Variants in ST3GAL4 observed in about 807,000 individuals in gnomAD.
ST3GAL4 encodes the protein ST3 beta-galactoside alpha-2,3-sialyltransferase 4.
ST3GAL4 carries 24 observed loss-of-function variants against 42.6 expected under a neutral mutation model. That is an observed-to-expected ratio of 0.56 (90% CI 0.41 to 0.79). The LOEUF is 0.79. Among genes scored for constraint, ST3GAL4 ranks in the 30% least tolerant of loss-of-function variants. ST3GAL4 has a pLI of 0.00. For synonymous variants in ST3GAL4, 135 were observed against 163.2 expected (o/e 0.83, Z 1.32); for missense variants, 311 against 430.8 (o/e 0.72, Z 2.46).
At position 126,406,517 on chromosome 11, in the gene ST3GAL4, G is replaced by A. The variant is rs773322033; in HGVS notation, c.61G>A (p.Val21Met). The A allele has an allele frequency of 1.2e-6, 2 of 1,614,228 alleles. No homozygotes were observed. Among genetic ancestry groups the A allele is most frequent in the Non-Finnish European group, 8.5e-7 (1 of 1,180,034 alleles). The change falls in exon 3 of 11, where the codon GTG (valine) becomes ATG (methionine). Residue 21 changes from valine (V) to methionine (M), a missense_variant. Coordinates refer to ENST00000444328, the MANE Select transcript of ST3GAL4 (RefSeq NM_001254757.2). The surrounding 1 kb of genome is among the most constrained non-coding windows in gnomAD (Gnocchi z 5.4). The stretch of plus-strand genomic sequence containing the variant: ...GTTGGCTCTGGTCCTGGTCGTCATG[G>A]TGTGGTATTCCATCTCCCGGGAAGA... ...AMLALVLVVM[V>M]WYSISREDRY... is the part of the protein sequence containing the mutation.
chr11:126,393,166 G>A lies in ST3GAL4; in HGVS notation c.-60-12930G>A, dbSNP rs2135489933. 1 of 152,214 alleles carries A rather than the reference G, an allele frequency of 6.6e-6. No individual in the cohort carries two copies. 9.4% of individuals were successfully genotyped at this position (152,214 alleles called of 1,614,324 possible). On this transcript the variant is annotated intron_variant, in intron 1 of 10. Transcript: ENST00000444328. This position sits in a 1 kb window ranked among gnomAD's most constrained non-coding sequence, Gnocchi z 5.9. ...TCTGCAGTCACATGCCTTGCAAGTA[G>A]CAGAGACAGGGTTTAGTCTCGGTAG...
intron 1 of ST3GAL4, among the ~76,000 whole-genome samples, chr11:126,377,846 A>G (rs1377159669): frequency 6.6e-6 from 1 of 152,238 alleles, no homozygotes; most frequent in Non-Finnish European, 1.5e-5. Flanking sequence ...GAAGTCTTCT[A>G]TTGTACAGTA....
In ST3GAL4 at chr11:126,386,289, C is replaced by A. The variant is rs1015044435; in HGVS notation, c.-60-19807C>A. The stretch of plus-strand genomic sequence containing the variant: ...CCTGTTTGCCGTGTGTCTGTGCCCC[C>A]CAAGGATGAATGCCATGAGTCCAGC... On this transcript the variant is annotated intron_variant, in intron 1 of 10. Transcript: ENST00000444328. The surrounding 1 kb of genome is among the most constrained non-coding windows in gnomAD (Gnocchi z 4.7). Among the ~76,000 whole-genome samples, 18 of 152,146 alleles carry A rather than the reference C, an allele frequency of 1.2e-4. No individual in the cohort carries two copies. Among genetic ancestry groups the A allele is most frequent in the African/African-American group, 4.1e-4 (17 of 41,440 alleles).
At chr11:126,404,108 T>C (rs1007690) in intron 1 of ST3GAL4, among the ~76,000 whole-genome samples, 67,513 of 152,082 alleles carry the variant, frequency 0.44, 15,489 homozygotes, top group East Asian at 0.62. Flanking sequence ...TAATCAAGAA[T>C]ATCAGGCTTG....
chr11:126,377,597 G>A (rs1442210284), intron 1 of ST3GAL4, among the ~76,000 whole-genome samples: 1 of 148,804 alleles, frequency 6.7e-6, no homozygotes, highest in Middle Eastern at 3.4e-3. Context: ...TGATTCTCCT[G>A]TCTCAGCCTC....
rs1283369832 is a variant in ST3GAL4, at chr11:126,411,589, A to G, written c.772-1916A>G. On this transcript the variant is annotated intron_variant, in intron 9 of 10. Transcript: ENST00000444328. This position sits in a 1 kb window ranked among gnomAD's most constrained non-coding sequence, Gnocchi z 6.3. ...TCACAAGGCTGGACTCGGTGTGTCA[A>G]CCAGACAGTTCTCATCTGGAAGCTT... Among the ~76,000 whole-genome samples, 1 of 152,192 alleles carries G rather than the reference A, an allele frequency of 6.6e-6. No homozygotes were observed. Among genetic ancestry groups the G allele is most frequent in the Non-Finnish European group, 1.5e-5 (1 of 68,028 alleles).
chr11:126,407,155 A>G lies in ST3GAL4; in HGVS notation c.183-97A>G, dbSNP rs1954274373. ...TGGGTTAGGTGAAGCCAGGGAGGGA[A>G]GAGAAGGCCTTATAATATTAGTCAT... is the stretch of plus-strand genomic sequence containing the variant. On this transcript the variant is annotated intron_variant, in intron 4 of 10. Coordinates refer to ENST00000444328, the MANE Select transcript of ST3GAL4 (RefSeq NM_001254757.2). 11 of 1,485,696 alleles carry G rather than the reference A, an allele frequency of 7.4e-6. No individual in the cohort carries two copies. The South Asian group carries it at 1.2e-4, about 17-fold the overall frequency. 92.0% of individuals were successfully genotyped at this position (1,485,696 alleles called of 1,614,324 possible).
intron 1 of ST3GAL4, among the ~76,000 whole-genome samples, chr11:126,380,187 A>T (rs765329507): frequency 1.3e-5 from 2 of 151,600 alleles, no homozygotes; most frequent in Non-Finnish European, 2.9e-5. Context: ...GCTTAAACCC[A>T]TGAGGTAGAG....
rs1953552804 is a variant in ST3GAL4, at chr11:126,392,370, C to G, written c.-60-13726C>G. On this transcript the variant is annotated intron_variant, in intron 1 of 10. Transcript: ENST00000444328. The surrounding 1 kb of genome is among the most constrained non-coding windows in gnomAD (Gnocchi z 5.8). ...CATGGAGCTGGTAAGTGGTTAAGATCAGTCGGACATGACAACCTCCAGTTC... is the reference window on the plus strand; with the variant it reads ...CATGGAGCTGGTAAGTGGTTAAGATGAGTCGGACATGACAACCTCCAGTTC... 1 of 985,858 alleles carries G rather than the reference C, an allele frequency of 1.0e-6. No homozygotes were observed. The highest frequency in any genetic ancestry group is 4.7e-5 in the South Asian group (1 of 21,282). 61.1% of individuals were successfully genotyped at this position (985,858 alleles called of 1,614,324 possible).
intron 1 of ST3GAL4, among the ~76,000 whole-genome samples, chr11:126,387,737 C>T (rs920284720): frequency 4.6e-5 from 7 of 151,204 alleles, no homozygotes; most frequent in African/African-American, 1.5e-4. Flanking sequence ...AAGTCACTCT[C>T]ATTCCAGACC....
At chr11:126,357,570 G>GCCC (rs942355150) in intron 1 of ST3GAL4, among the ~76,000 whole-genome samples, 1 of 152,100 alleles carries the variant, frequency 6.6e-6, no homozygotes, top group Non-Finnish European at 1.5e-5. Context: ...AGAGTGCCGT[G>GCCC]CCCCCGCCAG....
Position 126,407,586 on chromosome 11 carries a change from T to A in ST3GAL4, c.293T>A (p.Leu98His). The A allele has an allele frequency of 6.2e-7, 1 of 1,614,096 alleles. No homozygotes were observed. The highest frequency in any genetic ancestry group is 8.5e-7 in the Non-Finnish European group (1 of 1,179,996). ...YGTKGSEDLL[L>H]RVLAITSSSI... is the part of the protein sequence containing the mutation. ...GTACTTTTTGTAGAGGATCTGCTCCTCCGGGTGCTAGCCATCACCAGCTCC... is the reference window on the plus strand; with the variant it reads ...GTACTTTTTGTAGAGGATCTGCTCCACCGGGTGCTAGCCATCACCAGCTCC... Residue 98 changes from leucine to histidine, a missense_variant, in exon 6 of 11, where the codon CTC becomes CAC. Leu to His is a moderately conservative substitution (Grantham distance 99). Transcript: ENST00000444328.
rs66619583 is a variant in ST3GAL4 at position 126,400,946 on chromosome 11, C to T, written c.-60-5150C>T. 0.13 allele frequency among the ~76,000 whole-genome samples: 20,069 copies of T among 151,776 alleles called. 1,773 individuals are homozygous for T. Among genetic ancestry groups the T allele is most frequent in the East Asian group, 0.26 (1,351 of 5,114 alleles). On this transcript the variant is annotated intron_variant, in intron 1 of 10. Transcript: ENST00000444328. The surrounding 1 kb of genome is among the most constrained non-coding windows in gnomAD (Gnocchi z 4.6). Reference sequence around the variant, plus strand: ...TTGCAAGCATTTGCTAGAATATGAGCAAATGGAGGTAGAACTGATAATATT... The same window carrying T: ...TTGCAAGCATTTGCTAGAATATGAGTAAATGGAGGTAGAACTGATAATATT...
intron 1 of ST3GAL4, among the ~76,000 whole-genome samples, chr11:126,390,017 CAAAAAA>C (rs57306343): frequency 9.5e-4 from 109 of 114,600 alleles, no homozygotes; most frequent in Middle Eastern, 9.4e-3. Flanking sequence ...GCTAAAAATA[CAAAAAA>C]AAAAAAAAAA....
chr11:126,396,776 C>T lies in ST3GAL4; in HGVS notation c.-60-9320C>T, dbSNP rs920730019. ...GAATTCCAGTGCCAGCTCCACTCCT[C>T]ACGAGCTGTACAACCTGGGCCGGTT... On this transcript the variant is annotated intron_variant, in intron 1 of 10. Coordinates refer to ENST00000444328, the MANE Select transcript of ST3GAL4 (RefSeq NM_001254757.2). This position sits in a 1 kb window ranked among gnomAD's most constrained non-coding sequence, Gnocchi z 5.8. Among the ~76,000 whole-genome samples, 2 of 150,714 alleles carry T rather than the reference C, an allele frequency of 1.3e-5. No individual in the cohort carries two copies. The highest frequency in any genetic ancestry group is 3.0e-5 in the Non-Finnish European group (2 of 67,760).
Position 126,396,195 on chromosome 11 carries a change from C to T in ST3GAL4, c.-60-9901C>T, listed in dbSNP as rs1332692067. The stretch of plus-strand genomic sequence containing the variant: ...AGTCCAGCTTGAGTCCCCTCTAGAA[C>T]GTGGGCAGCGGACACTAAGCCGAGA... On this transcript the variant is annotated intron_variant, in intron 1 of 10. Coordinates refer to ENST00000444328, the MANE Select transcript of ST3GAL4 (RefSeq NM_001254757.2). This position sits in a 1 kb window ranked among gnomAD's most constrained non-coding sequence, Gnocchi z 5.8. Among the ~76,000 whole-genome samples, 1 of 151,924 alleles carries T rather than the reference C, an allele frequency of 6.6e-6. No homozygotes were observed. Among genetic ancestry groups the T allele is most frequent in the Non-Finnish European group, 1.5e-5 (1 of 68,012 alleles).
At chr11:126,357,048 A>G (rs1036510093) in intron 1 of ST3GAL4, among the ~76,000 whole-genome samples, 10 of 152,220 alleles carry the variant, frequency 6.6e-5, no homozygotes, top group African/African-American at 2.4e-4. Flanking sequence ...TATTTCTCCC[A>G]TGCTGTTACT....
intron 1 of ST3GAL4, among the ~76,000 whole-genome samples, chr11:126,399,353 G>A (rs1317680782): frequency 7.8e-6 from 1 of 127,854 alleles, no homozygotes; most frequent in Non-Finnish European, 1.6e-5. Flanking sequence ...TGCCCAGGCT[G>A]GAGTTCAGTG....
chr11:126,387,021 C>A (rs563948291), intron 1 of ST3GAL4, among the ~76,000 whole-genome samples: 4 of 152,174 alleles, frequency 2.6e-5, no homozygotes, highest in Non-Finnish European at 4.4e-5. Context: ...AGGGTGCATA[C>A]TGTGGCTGGT....
Sources: allele counts gnomAD v4.1 joint callset (sites outside exome capture counted in the v4.1 genomes callset), GRCh38; gene constraint gnomAD v4.1.1; non-coding constraint Gnocchi (gnomAD v3.1); transcripts MANE v1.5; gene names NCBI Gene and HGNC (gene_info 2026-07-23, HGNC 2026-07-21).